THNSL1: variants seen among roughly 807,000 people sequenced by gnomAD.
THNSL1 encodes the protein threonine synthase-like 1.
Under a neutral mutation model 50.4 loss-of-function variants are expected in THNSL1, and 48 were observed. That is an observed-to-expected ratio of 0.95 (90% CI 0.76 to 1.21). The LOEUF (loss-of-function observed/expected upper bound fraction) is 1.21. Among genes scored for constraint, THNSL1 ranks in the 50% most tolerant of loss-of-function variants. THNSL1 has a pLI of 0.00. For synonymous variants in THNSL1, 309 were observed against 306.1 expected, an observed-to-expected ratio of 1.01 and a Z score of -0.10; for missense variants, 896 against 871.7, an observed-to-expected ratio of 1.03 and a Z score of -0.35.
the THNSL1 span, among the ~76,000 whole-genome samples, chr10:24,965,790 G>A: frequency 3.3e-4 from 50 of 152,248 alleles, no homozygotes; most frequent in African/African-American, 1.2e-3. Flanking sequence ...ACAGAAATCA[G>A]CAAGTCGTGG....
the THNSL1 span, among the ~76,000 whole-genome samples, chr10:24,999,043 A>G: frequency 6.6e-6 from 1 of 152,192 alleles, no homozygotes; most frequent in African/African-American, 2.4e-5. Flanking sequence ...AAGGCCAGAC[A>G]GGGTTTAGAT....
the THNSL1 span, among the ~76,000 whole-genome samples, chr10:24,963,308 T>C: frequency 2.0e-5 from 3 of 152,264 alleles, no homozygotes; most frequent in African/African-American, 7.2e-5. Flanking sequence ...TTTTGTATTC[T>C]GTTTTTCTGT....
At chr10:24,963,473 CTT>C in the THNSL1 span, among the ~76,000 whole-genome samples, 4 of 152,282 alleles carry the variant, frequency 2.6e-5, no homozygotes, top group South Asian at 8.3e-4. Context: ...AAGTAGCAGA[CTT>C]TTTAAAATGG....
chr10:25,022,095 A>G (rs1002787302), intron 2 of THNSL1, among the ~76,000 whole-genome samples, 187 bp downstream of exon 2: 45 of 152,156 alleles, frequency 3.0e-4, no homozygotes, highest in African/African-American at 9.2e-4. Flanking sequence ...AAGCCCCACT[A>G]TGTGTCTGTG....
At chr10:24,955,164 G>T in the THNSL1 span, among the ~76,000 whole-genome samples, 1 of 152,186 alleles carries the variant, frequency 6.6e-6, no homozygotes, top group Non-Finnish European at 1.5e-5. Context: ...GAGAGAGCAA[G>T]GGTGTAGTGC....
chr10:24,983,993 A>G, the THNSL1 span: 28 of 182,202 alleles, frequency 1.5e-4, no homozygotes, highest in East Asian at 2.1e-3. Context: ...ACCAAAAGGA[A>G]AAAAACATTT....
At position 25,025,573 on chromosome 10, in the gene THNSL1, A is replaced by C; in HGVS notation, c.*118A>C. 2 of 1,020,958 alleles carry C rather than the reference A, an allele frequency of 2.0e-6. No homozygotes were observed. The highest frequency in any genetic ancestry group is 3.5e-5 in the South Asian group (2 of 57,244). The allele number at this position is 1,020,958 out of a possible 1,614,324, so 63.2% of individuals were successfully genotyped here. A position where few individuals can be genotyped will look rare whatever the true frequency, so the allele number is the denominator to read the frequency against. On this transcript the variant is annotated 3_prime_UTR_variant, in exon 3 of 3. Coordinates refer to ENST00000376356, the MANE Select transcript of THNSL1 (RefSeq NM_024838.5). ...TGTAAATATCTCTATATCTGTTTGG[A>C]ATTTCAAAAGTCTGATCTCTAGGGC... is the stretch of plus-strand genomic sequence containing the variant.
intron 1 of THNSL1, among the ~76,000 whole-genome samples, chr10:25,019,414 T>C (rs1298555204): frequency 6.6e-6 from 1 of 152,084 alleles, no homozygotes; most frequent in Non-Finnish European, 1.5e-5. Flanking sequence ...GTCAAGGCTG[T>C]AGTGAGCCAA....
the THNSL1 span, among the ~76,000 whole-genome samples, chr10:24,963,696 C>A: frequency 3.9e-5 from 6 of 152,008 alleles, no homozygotes; most frequent in Admixed American, 6.6e-5. Flanking sequence ...AAAAGCAAAC[C>A]ATGAAAAATG....
chr10:25,021,932 TA>T (rs1417063957), intron 2 of THNSL1, 24 bp downstream of exon 2: 2 of 152,210 alleles, frequency 1.3e-5, no homozygotes, highest in Non-Finnish European at 2.9e-5. Flanking sequence ...AGAGTTAGCT[TA>T]AAATCATTTA....
the THNSL1 span, among the ~76,000 whole-genome samples, chr10:24,985,791 T>C: frequency 6.6e-6 from 1 of 152,192 alleles, no homozygotes; most frequent in Non-Finnish European, 1.5e-5. Context: ...GATTATTTTA[T>C]TTACACAAAA....
At chr10:24,960,792 G>C in the THNSL1 span, among the ~76,000 whole-genome samples, 1 of 151,906 alleles carries the variant, frequency 6.6e-6, no homozygotes, top group Non-Finnish European at 1.5e-5. Context: ...GTCTCACTCT[G>C]TTGCCCAGGC....
At chr10:25,015,266 C>A (rs1044228581), upstream of THNSL1, among the ~76,000 whole-genome samples, 1 of 152,124 alleles carries the variant, frequency 6.6e-6, no homozygotes, top group Non-Finnish European at 1.5e-5. Flanking sequence ...TTTTTTGGTT[C>A]ATTATCTATC....
the THNSL1 span, among the ~76,000 whole-genome samples, chr10:24,969,184 G>A: frequency 2.6e-5 from 4 of 152,268 alleles, no homozygotes; most frequent in Non-Finnish European, 4.4e-5. Flanking sequence ...ATGAGCCACC[G>A]CGCCCGGCCA....
At chr10:25,009,255 T>TAA in the THNSL1 span, among the ~76,000 whole-genome samples, 1 of 147,864 alleles carries the variant, frequency 6.8e-6, no homozygotes, top group African/African-American at 2.5e-5. Flanking sequence ...TAGAGTATAA[T>TAA]AAAAAAAAAA....
In THNSL1 at chr10:25,024,084, C is replaced by G; in HGVS notation, c.861C>G (p.Thr287=). The G allele has an allele frequency of 6.2e-7, 1 of 1,614,144 alleles. No individual in the cohort carries two copies. Among genetic ancestry groups the G allele is most frequent in the East Asian group, 2.2e-5 (1 of 44,874 alleles). ...CGEWKSLVGA[T]YVERAQILLE... ...AGTGGAAAAGCCTAGTAGGAGCAAC[C>G]TACGTAGAAAGAGCACAGATACTGT... The change falls in exon 3 of 3, where the codon ACC becomes ACG. Residue 287 remains threonine (T), a synonymous_variant. Coordinates refer to ENST00000376356, the MANE Select transcript of THNSL1 (RefSeq NM_024838.5).
chr10:24,998,433 G>A, the THNSL1 span, among the ~76,000 whole-genome samples: 1 of 147,602 alleles, frequency 6.8e-6, no homozygotes, highest in African/African-American at 2.5e-5. Flanking sequence ...AGAAGGCTGT[G>A]GCTTGATCAT....
At chr10:24,985,002 A>G in the THNSL1 span, 1 of 939,404 alleles carries the variant, frequency 1.1e-6, no homozygotes, top group Non-Finnish European at 1.6e-6. Flanking sequence ...CAATAAGTAA[A>G]AGAAACTGAC....
chr10:24,956,284 T>C, the THNSL1 span, among the ~76,000 whole-genome samples: 7 of 152,148 alleles, frequency 4.6e-5, no homozygotes, highest in East Asian at 1.4e-3. Flanking sequence ...ATCCTTACCC[T>C]CCTCCCGCCC....
Sources: gnomAD v4.1 joint callset for allele counts (sites outside exome capture counted in the v4.1 genomes callset) on GRCh38, gnomAD v4.1.1 for gene constraint, MANE v1.5 for transcripts, NCBI Gene and HGNC (gene_info 2026-07-23, HGNC 2026-07-21) for gene names.